DIP2C: variants seen among roughly 807,000 people sequenced by gnomAD.
The protein encoded by DIP2C is DIP2 acetate--CoA ligase C (putative), also known as disco-interacting protein 2 homolog C.
In DIP2C, 33 loss-of-function variants were observed where a neutral mutation model predicts 192.4. The observed-to-expected ratio is 0.17, with a 90% CI of 0.13 to 0.23. The LOEUF (loss-of-function observed/expected upper bound fraction) is 0.23. Ranked by LOEUF, DIP2C falls within the 10% of genes least tolerant of loss-of-function variation. The pLI is 1.00. For missense variants in DIP2C, 1,537 were observed against 2,110.1 expected, an observed-to-expected ratio of 0.73 and a Z score of 5.32; for synonymous variants, 979 against 864.1, an observed-to-expected ratio of 1.13 and a Z score of -2.33.
intron 9 of DIP2C, among the ~76,000 whole-genome samples, chr10:400,892 A>C (rs529294059): frequency 6.6e-6 from 1 of 151,188 alleles, no homozygotes; most frequent in African/African-American, 2.4e-5. Flanking sequence ...ACTCTTCCTT[A>C]TGGACAAGTT....
At chr10:333,901 C>G (rs1412778320) in intron 29 of DIP2C, among the ~76,000 whole-genome samples, 3 of 152,112 alleles carry the variant, frequency 2.0e-5, no homozygotes, top group Non-Finnish European at 4.4e-5. Flanking sequence ...CCCTAATTAA[C>G]GCTAGGTATC....
intron 3 of DIP2C, among the ~76,000 whole-genome samples, chr10:444,213 G>C (rs553059758): frequency 6.8e-6 from 1 of 146,706 alleles, no homozygotes; most frequent in African/African-American, 2.5e-5. Context: ...CCCGAGACTC[G>C]TGTAGATTCT....
At chr10:464,229 T>C (rs979437996) in intron 3 of DIP2C, among the ~76,000 whole-genome samples, 8 of 151,748 alleles carry the variant, frequency 5.3e-5, no homozygotes, top group Non-Finnish European at 8.8e-5. Flanking sequence ...TGGGAGAAAA[T>C]TTTTGCAATC....
intron 4 of DIP2C, among the ~76,000 whole-genome samples, chr10:428,981 C>T (rs183506031): frequency 6.6e-6 from 1 of 152,130 alleles, no homozygotes; most frequent in African/African-American, 2.4e-5. Context: ...CACAGCGTCC[C>T]CTATCATCAA....
intron 4 of DIP2C, among the ~76,000 whole-genome samples, chr10:438,785 C>CAA (rs1967481940): frequency 6.6e-6 from 1 of 152,098 alleles, no homozygotes; most frequent in South Asian, 2.1e-4. Context: ...GCCACCATGC[C>CAA]TGGCCTAATC....
intron 1 of DIP2C, among the ~76,000 whole-genome samples, chr10:549,847 C>CT (rs1848495519): frequency 6.6e-6 from 1 of 152,116 alleles, no homozygotes; most frequent in Non-Finnish European, 1.5e-5. Context: ...ACAGATACCT[C>CT]TAGAGACACC....
intron 16 of DIP2C, 97 bp from the exon 17 acceptor site, chr10:382,858 A>T: frequency 1.3e-6 from 1 of 773,780 alleles, no homozygotes. Flanking sequence ...GGATTCAGGC[A>T]CAAGTGGATC....
intron 1 of DIP2C, among the ~76,000 whole-genome samples, chr10:568,859 T>C (rs992261078): frequency 2.7e-5 from 4 of 145,700 alleles, no homozygotes; most frequent in Non-Finnish European, 6.0e-5. Flanking sequence ...AATGTCTACC[T>C]GCAATGAGCC....
rs1037672606 is a variant in DIP2C, at chr10:651,770, G to A, written c.85+37724C>T. 3 of 272,272 alleles carry A rather than the reference G, an allele frequency of 1.1e-5. No individual in the cohort carries two copies. The highest frequency in any genetic ancestry group is 1.1e-4 in the East Asian group (1 of 9,354). The allele number at this position is 272,272 out of a possible 1,614,324, so 16.9% of individuals were successfully genotyped here. On this transcript the variant is annotated intron_variant, in intron 1 of 36. Coordinates refer to ENST00000280886, the MANE Select transcript of DIP2C (RefSeq NM_014974.3). The surrounding 1 kb of genome is among the most constrained non-coding windows in gnomAD (Gnocchi z 4.1). ...CTGAGCTGAGAGGGGGCCTGGCATC[G>A]CCCACCCAGGTCATCAGTCATCATC...
rs542520209 is a variant in DIP2C at position 637,308 on chromosome 10, G to A, written c.85+52186C>T. On this transcript the variant is annotated intron_variant, in intron 1 of 36. Transcript: ENST00000280886. ...TAACAACACACCATAGGCTGGGCGG[G>A]GACTGACAAACAACAGAAAATTCAC... Among the ~76,000 whole-genome samples, 4 of 150,890 alleles carry A rather than the reference G, an allele frequency of 2.7e-5. No homozygotes were observed. The East Asian group carries it at 5.8e-4, about 22-fold the overall frequency.
At chr10:596,857 C>T (rs906575614) in intron 1 of DIP2C, among the ~76,000 whole-genome samples, 1 of 152,228 alleles carries the variant, frequency 6.6e-6, no homozygotes, top group African/African-American at 2.4e-5. Flanking sequence ...CACCCAGAAC[C>T]ACACAATGAG....
chr10:417,782 GCT>G (rs1965802436), intron 6 of DIP2C, among the ~76,000 whole-genome samples: 6 of 121,790 alleles, frequency 4.9e-5, no homozygotes, highest in African/African-American at 2.2e-4. Flanking sequence ...ACCTGTCAGG[GCT>G]CGGATAGGCC....
chr10:568,195 C>CT (rs1432243699), intron 1 of DIP2C, among the ~76,000 whole-genome samples: 1 of 152,180 alleles, frequency 6.6e-6, no homozygotes, highest in Non-Finnish European at 1.5e-5. Flanking sequence ...AACCAGGAGG[C>CT]TCCAGGGGTA....
intron 1 of DIP2C, among the ~76,000 whole-genome samples, chr10:529,547 AG>A (rs1847251632): frequency 6.6e-6 from 1 of 152,130 alleles, no homozygotes; most frequent in African/African-American, 2.4e-5. Flanking sequence ...TGTATCCAAA[AG>A]GGAGATATGG....
At chr10:417,763 TCCAC>T (rs1160405240) in intron 6 of DIP2C, among the ~76,000 whole-genome samples, 5 of 130,366 alleles carry the variant, frequency 3.8e-5, no homozygotes, top group Non-Finnish European at 4.8e-5. Context: ...GGCATCCCTG[TCCAC>T]CTGCACCTGT....
At chr10:465,446 A>G (rs560085650) in intron 3 of DIP2C, among the ~76,000 whole-genome samples, 10 of 151,996 alleles carry the variant, frequency 6.6e-5, no homozygotes, top group Admixed American at 6.5e-4. Flanking sequence ...GAATGGGCAT[A>G]AACTGGAAGC....
At chr10:348,577 C>G (rs771359263) in intron 26 of DIP2C, 64 bp downstream of exon 26, 1 of 1,574,180 alleles carries the variant, frequency 6.4e-7, no homozygotes, top group Non-Finnish European at 8.6e-7. Flanking sequence ...TCAGAGTCTG[C>G]GCGTTGCAAG....
At chr10:688,483 C>T (rs1831411795) in intron 1 of DIP2C, among the ~76,000 whole-genome samples, 1 of 152,096 alleles carries the variant, frequency 6.6e-6, no homozygotes, top group South Asian at 2.1e-4. Context: ...TTCTGGCTGC[C>T]GGCCCTCACA....
intron 1 of DIP2C, among the ~76,000 whole-genome samples, chr10:640,344 G>C (rs1272384519): frequency 6.6e-6 from 1 of 152,236 alleles, no homozygotes; most frequent in African/African-American, 2.4e-5. Flanking sequence ...GATAATTAAG[G>C]CTCAGGAAAT....
Sources: allele counts gnomAD v4.1 joint callset (sites outside exome capture counted in the v4.1 genomes callset), GRCh38; gene constraint gnomAD v4.1.1; non-coding constraint Gnocchi (gnomAD v3.1); transcripts MANE v1.5; gene names NCBI Gene and HGNC (gene_info 2026-07-23, HGNC 2026-07-21).